Variants in DPP10 observed in about 807,000 individuals in gnomAD.
DPP10 encodes dipeptidyl peptidase like 10.
In DPP10, 33 loss-of-function variants were observed where a neutral mutation model predicts 120.9. The observed-to-expected ratio is 0.27, with a 90% CI of 0.21 to 0.37. DPP10 has a LOEUF of 0.37. DPP10 is among the 10% of genes least tolerant of loss of function. DPP10 has a pLI of 1.00. For missense variants in DPP10, 816 were observed against 942.8 expected (o/e 0.87, Z 1.76); for synonymous variants, 337 against 326.1 (o/e 1.03, Z -0.36).
chr2:114,535,621 A>G (rs1453594994), intron 1 of DPP10, among the ~76,000 whole-genome samples: 3 of 152,140 alleles, frequency 2.0e-5, no homozygotes, highest in Admixed American at 1.3e-4. Context: ...CTCAGTTTGG[A>G]TGATTTCACC....
At chr2:115,823,462 T>C (rs992277399) in intron 21 of DPP10, among the ~76,000 whole-genome samples, 2 of 152,172 alleles carry the variant, frequency 1.3e-5, no homozygotes, top group African/African-American at 4.8e-5. Context: ...ATTTAGGGTC[T>C]CCTTTAGACC....
intron 19 of DPP10, among the ~76,000 whole-genome samples, chr2:115,802,463 C>G (rs1467300356): frequency 1.3e-5 from 2 of 151,948 alleles, no homozygotes; most frequent in African/African-American, 4.8e-5. Context: ...TATTTCTTGC[C>G]TTCTGCTAGC....
intron 1 of DPP10, among the ~76,000 whole-genome samples, chr2:114,961,033 C>CTTTTTTTTTTTTTTTTTTTTTTTTTTTT (rs772146022): frequency 1.9e-5 from 1 of 52,004 alleles, no homozygotes; most frequent in African/African-American, 7.5e-5. Flanking sequence ...CTCTATACGC[C>CTTTTTTTTTTTTTTTTTTTTTTTTTTTT]TTTTTTTTTT....
intron 21 of DPP10, among the ~76,000 whole-genome samples, chr2:115,830,831 A>G (rs1245737381): frequency 2.6e-5 from 4 of 152,158 alleles, no homozygotes; most frequent in African/African-American, 9.7e-5. Context: ...AATAAAACAA[A>G]CTTAAAAATG....
At chr2:114,646,034 C>A (rs111740063) in intron 1 of DPP10, among the ~76,000 whole-genome samples, 1,820 of 152,096 alleles carry the variant, frequency 0.012, 48 homozygotes, top group African/African-American at 0.042. Flanking sequence ...GTGGCATGCA[C>A]CTGTAATCCC....
At chr2:115,185,561 T>C (rs918531741) in intron 1 of DPP10, among the ~76,000 whole-genome samples, 10 of 152,196 alleles carry the variant, frequency 6.6e-5, no homozygotes, top group African/African-American at 2.2e-4. Flanking sequence ...TAAAATTTAT[T>C]ATTGTTAAGA....
chr2:115,056,595 G>A (rs1380767198), intron 1 of DPP10, among the ~76,000 whole-genome samples: 2 of 152,122 alleles, frequency 1.3e-5, no homozygotes, highest in Admixed American at 6.6e-5. Context: ...CTGGCCTCAA[G>A]TGATCCTCTA....
intron 3 of DPP10, among the ~76,000 whole-genome samples, chr2:115,444,084 A>G (rs1164247307): frequency 6.6e-6 from 1 of 152,090 alleles, no homozygotes; most frequent in African/African-American, 2.4e-5. Context: ...ATCTTATCCT[A>G]TAGTGTGTGG....
chr2:114,939,899 A>G (rs1300614293), intron 1 of DPP10, among the ~76,000 whole-genome samples: 1 of 152,188 alleles, frequency 6.6e-6, no homozygotes, highest in Non-Finnish European at 1.5e-5. Flanking sequence ...TTATATAAAA[A>G]TATAATCCAT....
At chr2:114,635,225 A>G (rs955742296) in intron 1 of DPP10, among the ~76,000 whole-genome samples, 3 of 151,830 alleles carry the variant, frequency 2.0e-5, no homozygotes, top group African/African-American at 7.3e-5. Flanking sequence ...TGAACCATGC[A>G]GAGGTTGAAT....
At chr2:115,719,939 G>C (rs573191180) in intron 7 of DPP10, among the ~76,000 whole-genome samples, 5 of 152,220 alleles carry the variant, frequency 3.3e-5, no homozygotes, top group African/African-American at 1.2e-4. Flanking sequence ...TCATTATCCT[G>C]ATTTGTAACA....
chr2:114,902,785 A>G (rs1693686341), intron 1 of DPP10, among the ~76,000 whole-genome samples: 2 of 152,112 alleles, frequency 1.3e-5, no homozygotes, highest in African/African-American at 4.8e-5. Flanking sequence ...CAACTGGTAA[A>G]CTTACATTGA....
chr2:115,496,068 G>T (rs1335579786), intron 3 of DPP10, among the ~76,000 whole-genome samples: 1 of 151,916 alleles, frequency 6.6e-6, no homozygotes. Flanking sequence ...CTATTAGTCT[G>T]GTAGATAACT....
At chr2:114,923,333 G>T (rs1187121249) in intron 1 of DPP10, among the ~76,000 whole-genome samples, 2 of 151,474 alleles carry the variant, frequency 1.3e-5, no homozygotes, top group African/African-American at 2.4e-5. Flanking sequence ...ACACGTGTGC[G>T]CCATCACGAC....
Position 115,297,174 on chromosome 2 carries a change from A to T in DPP10, c.61-12065A>T, listed in dbSNP as rs137864216. The T allele has an allele frequency of 1.0e-4, 21 of 200,364 alleles. No homozygotes were observed. The East Asian group carries it at 2.7e-3, about 26-fold the overall frequency. The allele number at this position is 200,364 out of a possible 1,614,324, so 12.4% of individuals were successfully genotyped here. A position where few individuals can be genotyped will look rare whatever the true frequency, so the allele number is the denominator to read the frequency against. ...AGCCTGTATTATATCTACGAAGTAA[A>T]TGAGTGGGGGTAGGTTTTGTGACAT... On this transcript the variant is annotated intron_variant, in intron 1 of 25. Transcript: ENST00000410059.
intron 1 of DPP10, among the ~76,000 whole-genome samples, chr2:114,627,736 T>C (rs532113107): frequency 6.6e-6 from 1 of 152,238 alleles, no homozygotes; most frequent in Admixed American, 6.6e-5. Context: ...TATTTTTGAA[T>C]GATGAGGCAC....
intron 5 of DPP10, among the ~76,000 whole-genome samples, chr2:115,573,427 C>T (rs1465988686): frequency 5.3e-5 from 8 of 150,548 alleles, no homozygotes; most frequent in Non-Finnish European, 1.0e-4. Context: ...GGACTACAGG[C>T]GCCCGCCACC....
chr2:115,217,561 G>A (rs2056905872), intron 1 of DPP10, among the ~76,000 whole-genome samples: 2 of 152,224 alleles, frequency 1.3e-5, no homozygotes, highest in South Asian at 4.2e-4. Context: ...TTAATTTAGG[G>A]TGAATAAATG....
intron 1 of DPP10, among the ~76,000 whole-genome samples, chr2:115,079,639 A>G (rs916477421): frequency 6.6e-6 from 1 of 152,106 alleles, no homozygotes; most frequent in Non-Finnish European, 1.5e-5. Flanking sequence ...ACCACAGGAA[A>G]AGCAGCAGCA....
Sources: allele counts gnomAD v4.1 joint callset (sites outside exome capture counted in the v4.1 genomes callset), GRCh38; gene constraint gnomAD v4.1.1; transcripts MANE v1.5; gene names NCBI Gene and HGNC (gene_info 2026-07-23, HGNC 2026-07-21).